The following GLRA2 variants were observed in gnomAD, a reference collection of about 807,000 sequenced individuals.
GLRA2 encodes glycine receptor alpha 2.
GLRA2 carries 11 observed loss-of-function variants against 31.6 expected under a neutral mutation model. The ratio of observed to expected loss-of-function variants is 0.35; its 90% confidence interval spans 0.22 to 0.58. The LOEUF (loss-of-function observed/expected upper bound fraction) is 0.58, where lower values mean the gene tolerates loss of function less well. GLRA2 is among the 20% of genes least tolerant of loss of function. GLRA2 has a pLI of 0.84. For synonymous variants in GLRA2, 132 were observed against 134.0 expected (o/e 0.99, Z 0.10); for missense variants, 212 against 351.8 (o/e 0.60, Z 3.18).
chrX:14,674,224 T>A (rs1011109988), intron 7 of GLRA2, among the ~76,000 whole-genome samples: 3 of 112,173 alleles, frequency 2.7e-5, no homozygotes, highest in Non-Finnish European at 3.8e-5. Context: ...TCTGTTTTCT[T>A]TTTGTAACAG....
the GLRA2 span, among the ~76,000 whole-genome samples, chrX:14,500,631 A>C: frequency 8.9e-6 from 1 of 112,140 alleles, no homozygotes; most frequent in Non-Finnish European, 1.9e-5. Context: ...TACTTTCACC[A>C]GTGTGGAAAC....
At chrX:14,714,214 A>G (rs1172717484) in intron 8 of GLRA2, among the ~76,000 whole-genome samples, 2 of 110,862 alleles carry the variant, frequency 1.8e-5, no homozygotes, top group African/African-American at 6.6e-5. Flanking sequence ...ATGACCAGCC[A>G]AAACAGGGGT....
chrX:14,621,541 G>T (rs1171960012), intron 7 of GLRA2, among the ~76,000 whole-genome samples: 1 of 109,790 alleles, frequency 9.1e-6, no homozygotes, highest in East Asian at 2.9e-4. Context: ...AGGCCCCGGT[G>T]TGTGATGTTC....
intron 2 of GLRA2, among the ~76,000 whole-genome samples, chrX:14,538,068 G>T (rs891174466): frequency 9.2e-6 from 1 of 109,150 alleles, no homozygotes; most frequent in Admixed American, 9.7e-5. Context: ...GTGGCATCAA[G>T]AGGGCATCTA....
intron 7 of GLRA2, among the ~76,000 whole-genome samples, chrX:14,671,335 G>A (rs891092131): frequency 1.8e-5 from 2 of 112,104 alleles, no homozygotes; most frequent in Non-Finnish European, 3.8e-5. Flanking sequence ...TCAGTAAACT[G>A]CAGACCCTGT....
chrX:14,559,816 C>T (rs918457877), intron 2 of GLRA2, among the ~76,000 whole-genome samples: 2 of 103,773 alleles, frequency 1.9e-5, no homozygotes, highest in African/African-American at 7.1e-5. Flanking sequence ...ACCTCCGCCT[C>T]GATTGTGGGG....
the GLRA2 span, among the ~76,000 whole-genome samples, chrX:14,516,939 G>A: frequency 2.1e-4 from 23 of 111,924 alleles, no homozygotes; most frequent in African/African-American, 6.8e-4. Flanking sequence ...CCATGTAACA[G>A]CTAGAGAGAT....
In GLRA2 at chrX:14,530,137, G is replaced by T; in HGVS notation, c.68+12G>T. 1 of 1,069,136 alleles carries T rather than the reference G, an allele frequency of 9.4e-7. No individual in the cohort carries two copies. The highest frequency in any genetic ancestry group is 1.3e-6 in the Non-Finnish European group (1 of 765,652). The allele number at this position is 1,069,136 out of a possible 1,213,427, so 88.1% of individuals were successfully genotyped here. The stretch of plus-strand genomic sequence containing the variant: ...ACAAACCACTTCAGGTAGGTGAAAC[G>T]ACTTTGCATGTTGATATTTAAATTG... On this transcript the variant is annotated intron_variant, in intron 1 of 8. Coordinates refer to ENST00000218075, the MANE Select transcript of GLRA2 (RefSeq NM_002063.4).
At chrX:14,667,015 T>A (rs1188528674) in intron 7 of GLRA2, among the ~76,000 whole-genome samples, 1 of 112,463 alleles carries the variant, frequency 8.9e-6, no homozygotes, top group Non-Finnish European at 1.9e-5. Context: ...CATCTTTGTA[T>A]ACTTCTCAGC....
chrX:14,606,027 T>C (rs763653416), intron 5 of GLRA2, among the ~76,000 whole-genome samples: 65 of 109,204 alleles, frequency 6.0e-4, no homozygotes, highest in African/African-American at 1.7e-3. Flanking sequence ...TTTTTTTTTT[T>C]TGGCTTTATG....
At chrX:14,702,099 G>C (rs1262308037) in intron 8 of GLRA2, among the ~76,000 whole-genome samples, 1 of 111,913 alleles carries the variant, frequency 8.9e-6, no homozygotes, top group Non-Finnish European at 1.9e-5. Context: ...GGATATCCAG[G>C]CTGAGGAAAC....
At chrX:14,567,618 G>T (rs777497265) in intron 2 of GLRA2, among the ~76,000 whole-genome samples, 1 of 112,140 alleles carries the variant, frequency 8.9e-6, no homozygotes, top group Admixed American at 9.4e-5. Context: ...GCATTGTATT[G>T]GAAGTTTTAT....
the GLRA2 span, among the ~76,000 whole-genome samples, chrX:14,472,030 A>G: frequency 5.4e-5 from 6 of 112,034 alleles, no homozygotes; most frequent in Non-Finnish European, 1.1e-4. Flanking sequence ...GAGAAGCAAT[A>G]GAAGCCAACG....
the GLRA2 span, among the ~76,000 whole-genome samples, chrX:14,483,394 T>C: frequency 1.8e-5 from 2 of 112,263 alleles, no homozygotes; most frequent in African/African-American, 3.2e-5. Context: ...TGACTATACC[T>C]CAATTTCCTT....
At chrX:14,621,358 A>G (rs2090514528) in intron 7 of GLRA2, among the ~76,000 whole-genome samples, 1 of 109,103 alleles carries the variant, frequency 9.2e-6, no homozygotes, top group Admixed American at 9.7e-5. Context: ...GTTTGTTCTG[A>G]TTATTTGTTC....
chrX:14,693,205 A>C (rs1304535423), intron 8 of GLRA2, among the ~76,000 whole-genome samples: 1 of 111,982 alleles, frequency 8.9e-6, no homozygotes, highest in Non-Finnish European at 1.9e-5. Context: ...ATTTAAAAAT[A>C]AAACTCAACT....
the GLRA2 span, among the ~76,000 whole-genome samples, chrX:14,502,856 A>C: frequency 9.6e-6 from 1 of 104,594 alleles, no homozygotes; most frequent in Non-Finnish European, 2.0e-5. Context: ...TTAAACAGTG[A>C]AATTACCAAG....
intron 4 of GLRA2, among the ~76,000 whole-genome samples, chrX:14,594,708 T>C (rs965184641): frequency 3.6e-5 from 4 of 112,172 alleles, no homozygotes; most frequent in African/African-American, 1.3e-4. Context: ...GCCAACCATA[T>C]GTGTGCACAC....
At chrX:14,471,650 G>T in the GLRA2 span, among the ~76,000 whole-genome samples, 13 of 112,084 alleles carry the variant, frequency 1.2e-4, no homozygotes, top group African/African-American at 4.2e-4. Context: ...AGGAAAAACT[G>T]ATACATATAG....
Sources: allele counts gnomAD v4.1 joint callset (sites outside exome capture counted in the v4.1 genomes callset), GRCh38; gene constraint gnomAD v4.1.1; transcripts MANE v1.5; gene names NCBI Gene and HGNC (gene_info 2026-07-23, HGNC 2026-07-21).